Variants in IGSF10 observed in about 807,000 individuals in gnomAD.
IGSF10 encodes the protein immunoglobulin superfamily member 10.
A neutral mutation model predicts 128.2 loss-of-function variants in IGSF10; 126 were observed. That is an observed-to-expected ratio of 0.98 (90% CI 0.85 to 1.14). The LOEUF is 1.14. Among genes scored for constraint, IGSF10 ranks in the 50% most tolerant of loss-of-function variants. The pLI is 0.00. For synonymous variants in IGSF10, 1,185 were observed against 1,146.2 expected (o/e 1.03, Z -0.68); for missense variants, 3,295 against 3,149.8 (o/e 1.05, Z -1.10).
At chr3:151,513,115 G>A in the IGSF10 span, among the ~76,000 whole-genome samples, 1 of 152,142 alleles carries the variant, frequency 6.6e-6, no homozygotes, top group African/African-American at 2.4e-5. Flanking sequence ...CTCATTTTAT[G>A]AGGCCAGCAT....
At chr3:151,592,606 G>A in the IGSF10 span, among the ~76,000 whole-genome samples, 1 of 152,150 alleles carries the variant, frequency 6.6e-6, no homozygotes, top group East Asian at 1.9e-4. Context: ...GTCTCAATGG[G>A]AGATATCACC....
At chr3:151,501,747 T>C in the IGSF10 span, among the ~76,000 whole-genome samples, 1 of 152,084 alleles carries the variant, frequency 6.6e-6, no homozygotes, top group East Asian at 1.9e-4. Flanking sequence ...CATAGGAACA[T>C]TGAGTGTTTA....
the IGSF10 span, among the ~76,000 whole-genome samples, chr3:151,523,286 T>G: frequency 3.3e-5 from 5 of 152,044 alleles, no homozygotes; most frequent in East Asian, 7.7e-4. Flanking sequence ...AAACTACCAA[T>G]GACATTCTTC....
At chr3:151,558,027 A>ATTATATGTATATAATATATATATATAT in the IGSF10 span, among the ~76,000 whole-genome samples, 1 of 52,932 alleles carries the variant, frequency 1.9e-5, no homozygotes, top group Non-Finnish European at 3.4e-5. Flanking sequence ...TAATATATAT[A>ATTATATGTATATAATATATATATATAT]TTGGTACAAT....
the IGSF10 span, among the ~76,000 whole-genome samples, chr3:151,466,864 C>T: frequency 6.6e-6 from 1 of 152,074 alleles, no homozygotes; most frequent in African/African-American, 2.4e-5. Context: ...CAGTAGTGAG[C>T]CATTATGCCT....
chr3:151,544,158 C>T, the IGSF10 span, among the ~76,000 whole-genome samples: 3 of 152,230 alleles, frequency 2.0e-5, no homozygotes, highest in African/African-American at 7.2e-5. Context: ...ATCCACCTGC[C>T]TCAGCCTCCC....
chr3:151,495,934 T>G, the IGSF10 span, among the ~76,000 whole-genome samples: 2 of 152,156 alleles, frequency 1.3e-5, no homozygotes, highest in Non-Finnish European at 2.9e-5. Context: ...TGTATTGAGA[T>G]TTGCTGGATT....
the IGSF10 span, among the ~76,000 whole-genome samples, chr3:151,548,184 G>A: frequency 2.0e-5 from 3 of 152,130 alleles, no homozygotes; most frequent in Admixed American, 6.6e-5. Flanking sequence ...ACTTGTTTGC[G>A]GAACCCTAAG....
At chr3:151,514,223 A>G in the IGSF10 span, among the ~76,000 whole-genome samples, 1 of 152,174 alleles carries the variant, frequency 6.6e-6, no homozygotes, top group Non-Finnish European at 1.5e-5. Context: ...TTCAAACTAT[A>G]CTACAAGGTT....
At chr3:151,571,816 C>T in the IGSF10 span, among the ~76,000 whole-genome samples, 746 of 152,290 alleles carry the variant, frequency 4.9e-3, 2 homozygotes, top group Non-Finnish European at 8.2e-3. Context: ...AAAGGGAATG[C>T]TTCCAGTTTT....
the IGSF10 span, among the ~76,000 whole-genome samples, chr3:151,589,468 C>A: frequency 6.6e-6 from 1 of 152,080 alleles, no homozygotes; most frequent in Non-Finnish European, 1.5e-5. Context: ...CCTTGTGTGG[C>A]CAGGGAGACC....
At chr3:151,495,148 C>T in the IGSF10 span, among the ~76,000 whole-genome samples, 82,375 of 151,932 alleles carry the variant, frequency 0.54, 23,636 homozygotes, top group African/African-American at 0.74. Flanking sequence ...CTTACATAAA[C>T]GTGATTACTG....
chr3:151,479,539 A>G, the IGSF10 span, among the ~76,000 whole-genome samples: 196 of 152,338 alleles, frequency 1.3e-3, 1 homozygote, highest in African/African-American at 4.5e-3. Context: ...TTAACAGAAA[A>G]ATAATAAAGC....
chr3:151,437,579 A>G lies in IGSF10; in HGVS notation c.6982T>C (p.Leu2328=), dbSNP rs148290801. ...EGGESVLVVQ[L]EVLEMLRRPT... is the part of the protein sequence containing the mutation. ...CTTCTCAGCATTTCCAGTACTTCTA[A>G]CTGTACTACCAACACGCTCTCTCCA... The change falls in exon 8 of 8, where the codon TTA becomes CTA. Residue 2328 remains leucine, a synonymous_variant. Transcript: ENST00000282466. The G allele has an allele frequency of 1.9e-4, 300 of 1,614,010 alleles. No homozygotes were observed. Among genetic ancestry groups the G allele is most frequent in the Non-Finnish European group, 2.3e-4 (277 of 1,180,030 alleles).
At chr3:151,526,411 T>C in the IGSF10 span, among the ~76,000 whole-genome samples, 9 of 152,122 alleles carry the variant, frequency 5.9e-5, no homozygotes, top group African/African-American at 1.7e-4. Context: ...CTCAAACTGA[T>C]GTTTTAAAAG....
the IGSF10 span, among the ~76,000 whole-genome samples, chr3:151,568,317 C>T: frequency 6.6e-6 from 1 of 152,158 alleles, no homozygotes; most frequent in African/African-American, 2.4e-5. Flanking sequence ...CACATGGACA[C>T]GTGCCTCCTC....
upstream of IGSF10, among the ~76,000 whole-genome samples, chr3:151,462,522 T>C (rs1722098704): frequency 6.6e-6 from 1 of 152,066 alleles, no homozygotes; most frequent in South Asian, 2.1e-4. Flanking sequence ...AAAGTATTTA[T>C]GTTATTCCCA....
chr3:151,604,654 A>C, the IGSF10 span, among the ~76,000 whole-genome samples: 1 of 151,742 alleles, frequency 6.6e-6, no homozygotes, highest in East Asian at 1.9e-4. Flanking sequence ...AAAAATATCT[A>C]TATATATTTT....
chr3:151,467,637 C>A, the IGSF10 span, among the ~76,000 whole-genome samples: 10 of 152,074 alleles, frequency 6.6e-5, no homozygotes, highest in Non-Finnish European at 1.2e-4. Flanking sequence ...GTAATCCCAG[C>A]ACTTTGGGAG....
Sources: gnomAD v4.1 joint callset for allele counts (sites outside exome capture counted in the v4.1 genomes callset) on GRCh38, gnomAD v4.1.1 for gene constraint, MANE v1.5 for transcripts, NCBI Gene and HGNC (gene_info 2026-07-23, HGNC 2026-07-21) for gene names.